EBF1: variants seen among roughly 807,000 people sequenced by gnomAD.
The protein encoded by EBF1 is transcription factor COE1.
In EBF1, 10 loss-of-function variants were observed where a neutral mutation model predicts 68.4. The ratio of observed to expected loss-of-function variants is 0.15; its 90% CI spans 0.09 to 0.25. EBF1 has a LOEUF of 0.25. Among genes scored for constraint, EBF1 ranks in the 10% least tolerant of loss-of-function variants. EBF1 has a pLI of 1.00. For synonymous variants in EBF1, 298 were observed against 299.8 expected (o/e 0.99, Z 0.06); for missense variants, 509 against 794.4 (o/e 0.64, Z 4.32).
intron 6 of EBF1, among the ~76,000 whole-genome samples, chr5:158,883,385 T>C (rs766427714): frequency 2.1e-5 from 3 of 144,092 alleles, no homozygotes; most frequent in Non-Finnish European, 4.7e-5. Flanking sequence ...TGTATATATA[T>C]ACATACATAC....
intron 10 of EBF1, among the ~76,000 whole-genome samples, chr5:158,737,262 C>T (rs1765376864): frequency 1.5e-5 from 2 of 137,514 alleles, no homozygotes; most frequent in African/African-American, 2.7e-5. Context: ...TTGAACATGC[C>T]CTGATTTTTT....
chr5:159,097,966 C>T (rs1782951901), intron 1 of EBF1, among the ~76,000 whole-genome samples: 1 of 152,302 alleles, frequency 6.6e-6, no homozygotes, highest in South Asian at 2.1e-4. Flanking sequence ...CACACGAGCG[C>T]CCCGCGCACA....
At chr5:158,974,082 G>T (rs1256921913) in intron 6 of EBF1, among the ~76,000 whole-genome samples, 1 of 152,094 alleles carries the variant, frequency 6.6e-6, no homozygotes, top group Non-Finnish European at 1.5e-5. Context: ...GCTCCCCAAG[G>T]GCATAGATGC....
intron 6 of EBF1, among the ~76,000 whole-genome samples, chr5:158,887,754 T>C (rs928513100): frequency 1.3e-5 from 2 of 152,224 alleles, no homozygotes; most frequent in Non-Finnish European, 2.9e-5. Context: ...ATTCTAGAAG[T>C]GATTTCTACT....
intron 6 of EBF1, among the ~76,000 whole-genome samples, chr5:158,847,706 G>A (rs1034121379): frequency 6.6e-6 from 1 of 152,226 alleles, no homozygotes; most frequent in African/African-American, 2.4e-5. Flanking sequence ...GATTTGAAAT[G>A]TGGCAGAAAT....
intron 11 of EBF1, among the ~76,000 whole-genome samples, chr5:158,728,537 G>A (rs185399445): frequency 4.6e-5 from 7 of 152,074 alleles, no homozygotes; most frequent in Admixed American, 1.3e-4. Context: ...TCTGGTTTCC[G>A]TAGACCTCAA....
chr5:158,919,274 C>T (rs760815743), intron 6 of EBF1, among the ~76,000 whole-genome samples: 13 of 150,132 alleles, frequency 8.7e-5, no homozygotes, highest in Non-Finnish European at 1.9e-4. Context: ...GGAATAATAA[C>T]AACCTTGTAG....
intron 6 of EBF1, among the ~76,000 whole-genome samples, chr5:158,940,833 A>C (rs945409399): frequency 7.1e-6 from 1 of 140,738 alleles, no homozygotes; most frequent in Non-Finnish European, 1.5e-5. Context: ...AACAGAGGAC[A>C]CTTCCTGGTG....
chr5:158,839,508 G>A (rs895626567), intron 7 of EBF1, among the ~76,000 whole-genome samples: 2 of 151,920 alleles, frequency 1.3e-5, no homozygotes, highest in South Asian at 2.1e-4. Context: ...TTAGCCTCCC[G>A]AGTAGCTGGG....
intron 10 of EBF1, among the ~76,000 whole-genome samples, chr5:158,739,888 G>C (rs576996841): frequency 6.6e-6 from 1 of 152,166 alleles, no homozygotes; most frequent in Non-Finnish European, 1.5e-5. Context: ...ATCACCCCGT[G>C]TGTGTTCAGA....
chr5:159,073,320 G>A (rs1031553675), intron 6 of EBF1, 76 bp downstream of exon 6: 21 of 1,491,584 alleles, frequency 1.4e-5, no homozygotes, highest in Admixed American at 1.7e-5. Flanking sequence ...CCTAACCCTC[G>A]CCCATGAGCA....
intron 6 of EBF1, among the ~76,000 whole-genome samples, chr5:158,873,245 A>G (rs966539526): frequency 6.6e-6 from 1 of 152,124 alleles, no homozygotes; most frequent in African/African-American, 2.4e-5. Flanking sequence ...CTAAAGACAA[A>G]GATAAGTGAA....
At chr5:159,073,361 G>T in intron 6 of EBF1, 35 bp downstream of exon 6, 3 of 1,605,514 alleles carry the variant, frequency 1.9e-6, no homozygotes, top group Middle Eastern at 3.3e-4. Flanking sequence ...TTATAATGAG[G>T]AATAAGAATC....
chr5:158,701,167 G>A (rs1010950375), intron 15 of EBF1, among the ~76,000 whole-genome samples: 1 of 152,168 alleles, frequency 6.6e-6, no homozygotes, highest in African/African-American at 2.4e-5. Context: ...GGCAAAAGGT[G>A]CAAGTCTACT....
At chr5:159,057,085 CTTTCT>C (rs1281027054) in intron 6 of EBF1, among the ~76,000 whole-genome samples, 31 of 145,248 alleles carry the variant, frequency 2.1e-4, no homozygotes, top group African/African-American at 4.8e-4. Flanking sequence ...GTTATAATTT[CTTTCT>C]TTTCTTTTCT....
intron 8 of EBF1, among the ~76,000 whole-genome samples, chr5:158,802,185 A>G (rs933689930): frequency 6.6e-6 from 1 of 151,888 alleles, no homozygotes; most frequent in Non-Finnish European, 1.5e-5. Context: ...TCAATACCTC[A>G]CTTGTTTGGG....
In EBF1 at chr5:158,938,981, A is replaced by G. The variant is rs138957836; in HGVS notation, c.555-98871T>C. ...GGATTTAAGTATGGAATCACTGAACATAACGTGTGCTTACTGGTCCAACTT... is the reference window on the plus strand; with the variant it reads ...GGATTTAAGTATGGAATCACTGAACGTAACGTGTGCTTACTGGTCCAACTT... On this transcript the variant is annotated intron_variant, in intron 6 of 15. Coordinates refer to ENST00000313708, the MANE Select transcript of EBF1 (RefSeq NM_024007.5). 3.7e-3 allele frequency among the ~76,000 whole-genome samples: 558 copies of G among 152,314 alleles called. 4 individuals are homozygous for G. Among genetic ancestry groups the G allele is most frequent in the African/African-American group, 0.013 (520 of 41,562 alleles).
intron 6 of EBF1, among the ~76,000 whole-genome samples, chr5:158,966,719 C>T (rs1216548852): frequency 6.6e-6 from 1 of 152,170 alleles, no homozygotes; most frequent in African/African-American, 2.4e-5. Context: ...TATCCAGCTT[C>T]CCCCATCTCA....
At chr5:158,759,109 A>T (rs1355870479) in intron 10 of EBF1, among the ~76,000 whole-genome samples, 5 of 152,232 alleles carry the variant, frequency 3.3e-5, no homozygotes, top group Non-Finnish European at 7.3e-5. Flanking sequence ...TAAATGTACC[A>T]TACATCTCAC....
Sources: gnomAD v4.1 joint callset for allele counts (sites outside exome capture counted in the v4.1 genomes callset) on GRCh38, gnomAD v4.1.1 for gene constraint, MANE v1.5 for transcripts, NCBI Gene and HGNC (gene_info 2026-07-23, HGNC 2026-07-21) for gene names.